The following MARCHF1 variants were observed in gnomAD, a reference collection of about 807,000 sequenced individuals.
MARCHF1 encodes E3 ubiquitin-protein ligase MARCHF1.
In MARCHF1, 40 loss-of-function variants were observed where a neutral mutation model predicts 54.2. The ratio of observed to expected loss-of-function variants is 0.74; its 90% CI spans 0.57 to 0.96. The LOEUF is 0.96. Ranked by LOEUF, MARCHF1 falls within the 40% of genes least tolerant of loss-of-function variation. The pLI, the probability that MARCHF1 is intolerant of heterozygous loss-of-function variation, is 0.00. For synonymous variants in MARCHF1, 236 were observed against 236.3 expected, an observed-to-expected ratio of 1.00 and a Z score of 0.01; for missense variants, 586 against 656.5, an observed-to-expected ratio of 0.89 and a Z score of 1.17.
At chr4:163,587,669 T>TG (rs1740453302) in intron 7 of MARCHF1, among the ~76,000 whole-genome samples, 1 of 152,164 alleles carries the variant, frequency 6.6e-6, no homozygotes, top group Admixed American at 6.6e-5. Flanking sequence ...AAGTCCTTTG[T>TG]TCACTACTTA....
chr4:163,715,891 A>G (rs761240411), intron 4 of MARCHF1, among the ~76,000 whole-genome samples: 1 of 152,322 alleles, frequency 6.6e-6, no homozygotes, highest in South Asian at 2.1e-4. Context: ...TAAAATCAAC[A>G]CTTCCTAGAT....
intron 3 of MARCHF1, among the ~76,000 whole-genome samples, chr4:163,886,346 TAGATATAGATAG>T (rs2111256884): frequency 6.7e-6 from 1 of 150,194 alleles, no homozygotes; most frequent in African/African-American, 2.5e-5. Flanking sequence ...GATAGATAGA[TAGATATAGATAG>T]ATAGATATAG....
intron 3 of MARCHF1, among the ~76,000 whole-genome samples, chr4:163,870,766 T>C (rs911096168): frequency 6.6e-6 from 1 of 152,104 alleles, no homozygotes; most frequent in African/African-American, 2.4e-5. Context: ...TTCTCACTCA[T>C]ATGTGAAAGT....
intron 3 of MARCHF1, among the ~76,000 whole-genome samples, chr4:163,931,742 C>G (rs139652099): frequency 2.6e-4 from 39 of 152,158 alleles, no homozygotes; most frequent in Non-Finnish European, 1.0e-4. Flanking sequence ...CTTAAATACA[C>G]CAATGACAGA....
chr4:164,142,939 A>G (rs1468798545), intron 1 of MARCHF1, among the ~76,000 whole-genome samples: 1 of 152,068 alleles, frequency 6.6e-6, no homozygotes, highest in Admixed American at 6.5e-5. Context: ...ATTTAGAAGA[A>G]TGTATAACTA....
intron 8 of MARCHF1, among the ~76,000 whole-genome samples, chr4:163,556,466 C>T (rs935290586): frequency 1.3e-5 from 2 of 152,004 alleles, no homozygotes; most frequent in Admixed American, 6.6e-5. Flanking sequence ...TGCTTATTCT[C>T]ATGGGTCAAA....
intron 4 of MARCHF1, among the ~76,000 whole-genome samples, chr4:163,809,316 CA>C (rs1312500286): frequency 6.6e-6 from 1 of 151,986 alleles, no homozygotes; most frequent in Non-Finnish European, 1.5e-5. Flanking sequence ...TTTTACAAAC[CA>C]AGAGGTTTGA....
chr4:163,801,969 A>G (rs1290436195), intron 4 of MARCHF1, among the ~76,000 whole-genome samples: 3 of 152,014 alleles, frequency 2.0e-5, no homozygotes, highest in African/African-American at 7.2e-5. Context: ...GGGGTGGGGA[A>G]CGCTAAATGT....
In MARCHF1 at chr4:163,733,177, GTATATATATA is replaced by G. The variant is rs1169850987; in HGVS notation, c.112-32324_112-32315del. On this transcript the variant is annotated intron_variant, in intron 4 of 9. Coordinates refer to ENST00000514618, the MANE Select transcript of MARCHF1 (RefSeq NM_001394959.1). ...TCTCTCTCTCTCTCTCTGTATGTGT[GTATATATATA>G]TATATATATATATATATATATATAT... is the stretch of plus-strand genomic sequence containing the variant. Among the ~76,000 whole-genome samples, 60 of 17,494 alleles carry G rather than the reference GTATATATATA, an allele frequency of 3.4e-3. 4 individuals carry two copies. Among genetic ancestry groups the G allele is most frequent in the African/African-American group, 7.7e-3 (31 of 4,030 alleles). 11.5% of individuals were successfully genotyped at this position (17,494 alleles called of 152,430 possible).
intron 2 of MARCHF1, among the ~76,000 whole-genome samples, chr4:164,045,916 C>T (rs375416689): frequency 6.6e-6 from 1 of 152,060 alleles, no homozygotes; most frequent in African/African-American, 2.4e-5. Flanking sequence ...TGAGATTTTA[C>T]CCTGTTCTCA....
chr4:163,786,086 C>G (rs1398598834), intron 4 of MARCHF1, among the ~76,000 whole-genome samples: 1 of 151,820 alleles, frequency 6.6e-6, no homozygotes, highest in African/African-American at 2.4e-5. Context: ...ATGAGCTCTC[C>G]CTTAAAATCT....
At chr4:163,896,067 C>G (rs147815789) in intron 3 of MARCHF1, among the ~76,000 whole-genome samples, 1 of 152,204 alleles carries the variant, frequency 6.6e-6, no homozygotes, top group South Asian at 2.1e-4. Flanking sequence ...AAATACCATG[C>G]GTAACCATTT....
chr4:164,087,561 G>T (rs1217648214), intron 2 of MARCHF1, among the ~76,000 whole-genome samples: 1 of 152,028 alleles, frequency 6.6e-6, no homozygotes, highest in African/African-American at 2.4e-5. Flanking sequence ...TTTTATCCGA[G>T]GATTAAAGTC....
intron 5 of MARCHF1, among the ~76,000 whole-genome samples, chr4:163,646,709 G>T (rs540025397): frequency 6.6e-6 from 1 of 152,136 alleles, no homozygotes; most frequent in South Asian, 2.1e-4. Flanking sequence ...ATAACCTGTT[G>T]TTAAAGATGT....
chr4:164,080,209 C>T (rs1044628019), intron 2 of MARCHF1, among the ~76,000 whole-genome samples: 6 of 152,210 alleles, frequency 3.9e-5, no homozygotes, highest in African/African-American at 1.4e-4. Flanking sequence ...CCCAGCCTTT[C>T]AAGATCTGAG....
chr4:164,054,475 C>T (rs1346998151), intron 2 of MARCHF1, among the ~76,000 whole-genome samples: 3 of 151,990 alleles, frequency 2.0e-5, no homozygotes, highest in South Asian at 2.1e-4. Flanking sequence ...CACATGCACA[C>T]GTATGTTTAC....
Position 164,044,490 on chromosome 4 carries a change from T to A in MARCHF1, c.-247-55781A>T, listed in dbSNP as rs576244357. Among the ~76,000 whole-genome samples the A allele has an allele frequency of 3.9e-5, 6 of 152,222 alleles. No homozygotes were observed. In the South Asian group the frequency reaches 1.2e-3, roughly 32 times the overall value. ...ATCAAGGGGGAAGTCTGCCCCATAA[T>A]CCAATCACCTCCTATCAGGCCCTTC... is the stretch of plus-strand genomic sequence containing the variant. On this transcript the variant is annotated intron_variant, in intron 2 of 9. Coordinates refer to ENST00000514618, the MANE Select transcript of MARCHF1 (RefSeq NM_001394959.1).
At chr4:164,060,703 A>G (rs1344073314) in intron 2 of MARCHF1, among the ~76,000 whole-genome samples, 1 of 152,180 alleles carries the variant, frequency 6.6e-6, no homozygotes, top group Non-Finnish European at 1.5e-5. Flanking sequence ...ACTTGGAAAA[A>G]TAAGTAAACG....
At chr4:164,039,064 A>G (rs1361068917) in intron 2 of MARCHF1, among the ~76,000 whole-genome samples, 3 of 152,224 alleles carry the variant, frequency 2.0e-5, no homozygotes, top group Admixed American at 6.5e-5. Context: ...AACTTCTAAA[A>G]TACGAAATTT....
Sources: allele counts gnomAD v4.1 joint callset (sites outside exome capture counted in the v4.1 genomes callset), GRCh38; gene constraint gnomAD v4.1.1; transcripts MANE v1.5; gene names NCBI Gene and HGNC (gene_info 2026-07-23, HGNC 2026-07-21).